The following PTPRD variants were observed in gnomAD, a reference collection of about 807,000 sequenced individuals.
PTPRD encodes protein tyrosine phosphatase receptor type D, also known as receptor-type tyrosine-protein phosphatase delta.
PTPRD carries 34 observed loss-of-function variants against 214.5 expected under a neutral mutation model. That is an observed-to-expected ratio of 0.16 (90% CI 0.12 to 0.21). The LOEUF (loss-of-function observed/expected upper bound fraction) is 0.21. PTPRD is among the 10% of genes least tolerant of loss of function. The probability of loss-of-function intolerance (pLI) is 1.00; values close to 1 mark genes in which losing one functional copy is unlikely to be tolerated. For missense variants in PTPRD, 2,545 were observed against 2,398.7 expected (o/e 1.06, Z -1.27); for synonymous variants, 1,128 against 845.7 (o/e 1.33, Z -5.79).
chr9:9,983,838 C>CT (rs1354464064), intron 4 of PTPRD, among the ~76,000 whole-genome samples: 1 of 152,150 alleles, frequency 6.6e-6, no homozygotes, highest in Non-Finnish European at 1.5e-5. Context: ...AGTAACAACT[C>CT]TAATCTTTGG....
At chr9:9,505,135 G>C (rs1035680816) in intron 8 of PTPRD, among the ~76,000 whole-genome samples, 2 of 151,498 alleles carry the variant, frequency 1.3e-5, no homozygotes, top group Non-Finnish European at 3.0e-5. Context: ...TATTTCCTTT[G>C]ATATAGGTAT....
At chr9:9,639,935 T>C (rs1241062173) in intron 7 of PTPRD, among the ~76,000 whole-genome samples, 1 of 152,192 alleles carries the variant, frequency 6.6e-6, no homozygotes, top group East Asian at 1.9e-4. Context: ...ACAGGCTTTG[T>C]TCTGTAGAGT....
rs74715969 is a variant in PTPRD, at chr9:8,955,892, A to T, written c.-104+62805T>A. ...ACCTACATATAGCATTCATTTGCAT[A>T]TCCATGCATATACACACACACCTTA... On this transcript the variant is annotated intron_variant, in intron 11 of 45. Transcript: ENST00000381196. Among the ~76,000 whole-genome samples the T allele has an allele frequency of 1.7e-3, 264 of 152,066 alleles. 1 individual carries two copies. The highest frequency in any genetic ancestry group is 6.1e-3 in the African/African-American group (254 of 41,542).
intron 10 of PTPRD, among the ~76,000 whole-genome samples, chr9:9,057,525 A>T (rs2099698593): frequency 6.6e-6 from 1 of 152,216 alleles, no homozygotes; most frequent in Non-Finnish European, 1.5e-5. Context: ...TTTAGATTTA[A>T]GAATAAGAAT....
At chr9:9,903,166 A>C (rs2076792575) in intron 5 of PTPRD, among the ~76,000 whole-genome samples, 4 of 152,292 alleles carry the variant, frequency 2.6e-5, no homozygotes, top group Admixed American at 1.3e-4. Context: ...TTTTCTTCCA[A>C]TGATTATATA....
chr9:10,443,120 G>C (rs1399759428), intron 2 of PTPRD, among the ~76,000 whole-genome samples: 3 of 150,272 alleles, frequency 2.0e-5, no homozygotes, highest in Non-Finnish European at 3.0e-5. Flanking sequence ...GATGGTGTTT[G>C]TGTTTTTTTA....
intron 7 of PTPRD, among the ~76,000 whole-genome samples, chr9:9,621,478 A>T (rs2095235649): frequency 2.0e-5 from 3 of 152,322 alleles, no homozygotes; most frequent in Admixed American, 2.0e-4. Flanking sequence ...CAATGGAGTC[A>T]GACTCTGGAA....
chr9:10,121,700 T>G (rs944275843), intron 3 of PTPRD, among the ~76,000 whole-genome samples: 1 of 152,228 alleles, frequency 6.6e-6, no homozygotes, highest in Admixed American at 6.5e-5. Context: ...GTAGGCTTCA[T>G]GTCTTACATC....
At chr9:8,854,311 G>T (rs1428963891) in intron 11 of PTPRD, among the ~76,000 whole-genome samples, 1 of 151,960 alleles carries the variant, frequency 6.6e-6, no homozygotes, top group Non-Finnish European at 1.5e-5. Context: ...ACTAAAGAAG[G>T]GTTGTTTTAA....
chr9:9,426,086 CTG>C (rs2080794370), intron 8 of PTPRD, among the ~76,000 whole-genome samples: 1 of 152,066 alleles, frequency 6.6e-6, no homozygotes. Context: ...AGCCCACTGA[CTG>C]TGAGCTGAAG....
chr9:8,584,029 T>G (rs1337190324), intron 14 of PTPRD, among the ~76,000 whole-genome samples: 1 of 152,072 alleles, frequency 6.6e-6, no homozygotes, highest in Non-Finnish European at 1.5e-5. Flanking sequence ...TGGTGTGTAC[T>G]TGTAGTCTCT....
At chr9:10,465,351 A>AT (rs978064074) in intron 2 of PTPRD, among the ~76,000 whole-genome samples, 1 of 152,138 alleles carries the variant, frequency 6.6e-6, no homozygotes, top group Non-Finnish European at 1.5e-5. Flanking sequence ...TGTTCATAAC[A>AT]TTTTTTTGAG....
At chr9:9,797,980 T>C (rs906070959) in intron 5 of PTPRD, among the ~76,000 whole-genome samples, 1 of 152,208 alleles carries the variant, frequency 6.6e-6, no homozygotes, top group Non-Finnish European at 1.5e-5. Context: ...TACACGAATG[T>C]TCTTGATCAT....
chr9:8,592,871 G>A (rs969617446), intron 14 of PTPRD, among the ~76,000 whole-genome samples: 8 of 152,226 alleles, frequency 5.3e-5, no homozygotes, highest in Non-Finnish European at 1.0e-4. Flanking sequence ...AAGACAGGTG[G>A]TAGCACCTAA....
chr9:10,304,360 G>C (rs1203549043), intron 3 of PTPRD, among the ~76,000 whole-genome samples: 1 of 152,132 alleles, frequency 6.6e-6, no homozygotes, highest in Non-Finnish European at 1.5e-5. Context: ...CACAAGACAA[G>C]GATGCCCTCT....
rs117915890 is a variant in PTPRD at position 9,368,384 on chromosome 9, C to T, written c.-203+29065G>A. Among the ~76,000 whole-genome samples, 257 of 151,876 alleles carry T rather than the reference C, an allele frequency of 1.7e-3. 1 individual carries two copies. The highest frequency in any genetic ancestry group is 3.9e-3 in the South Asian group (19 of 4,820). Reference sequence around the variant, plus strand: ...ACAGGTAAGATAATAAGTGTTAGTCCATTCATTCCTTGTTAGGAATCTACA... The same window carrying T: ...ACAGGTAAGATAATAAGTGTTAGTCTATTCATTCCTTGTTAGGAATCTACA... On this transcript the variant is annotated intron_variant, in intron 9 of 45. Coordinates refer to ENST00000381196, the MANE Select transcript of PTPRD (RefSeq NM_002839.4).
chr9:8,779,404 G>A (rs750185159), intron 11 of PTPRD, among the ~76,000 whole-genome samples: 1 of 152,120 alleles, frequency 6.6e-6, no homozygotes, highest in Non-Finnish European at 1.5e-5. Context: ...GTCATGGGCT[G>A]GGTGGGGCCG....
chr9:9,039,617 T>C (rs1220997069), intron 10 of PTPRD, among the ~76,000 whole-genome samples: 1 of 152,196 alleles, frequency 6.6e-6, no homozygotes, highest in Non-Finnish European at 1.5e-5. Flanking sequence ...GCCTGGTCTA[T>C]AAAGCCAAAA....
chr9:9,405,820 T>C (rs908000036), intron 8 of PTPRD, among the ~76,000 whole-genome samples: 2 of 151,986 alleles, frequency 1.3e-5, no homozygotes, highest in Admixed American at 6.6e-5. Flanking sequence ...ACTGAAATCA[T>C]TTTTATGTAG....
Sources: gnomAD v4.1 joint callset for allele counts (sites outside exome capture counted in the v4.1 genomes callset) on GRCh38, gnomAD v4.1.1 for gene constraint, MANE v1.5 for transcripts, NCBI Gene and HGNC (gene_info 2026-07-23, HGNC 2026-07-21) for gene names.